The following POLA1 variants were observed in gnomAD, a reference collection of about 807,000 sequenced individuals.
POLA1 encodes the protein DNA polymerase alpha catalytic subunit.
A neutral mutation model predicts 124.0 loss-of-function variants in POLA1; 15 were observed. The observed-to-expected ratio is 0.12, with a 90% confidence interval of 0.08 to 0.19. The LOEUF is 0.19. Ranked by LOEUF, POLA1 falls within the 10% of genes least tolerant of loss-of-function variation. The pLI is 1.00. For missense variants in POLA1, 886 were observed against 1,103.4 expected (o/e 0.80, Z 2.79); for synonymous variants, 408 against 389.4 (o/e 1.05, Z -0.56).
chrX:24,896,070 G>T (rs1157606121), intron 35 of POLA1, among the ~76,000 whole-genome samples: 2 of 111,861 alleles, frequency 1.8e-5, no homozygotes, highest in Non-Finnish European at 3.8e-5. Flanking sequence ...AATAAGGTAG[G>T]AAAGATAATA....
At position 24,888,065 on chromosome X, in the gene POLA1, A is replaced by G. The variant is rs780851120; in HGVS notation, c.4107A>G (p.Gln1369=). 5.0e-6 allele frequency: 6 copies of G among 1,206,396 alleles called. No homozygotes were observed. Among genetic ancestry groups the G allele is most frequent in the Middle Eastern group, 2.3e-4 (1 of 4,362 alleles). The change falls in exon 35 of 37, where the codon CAA becomes CAG. Residue 1369 remains glutamine, a synonymous_variant. Coordinates refer to ENST00000379068, the MANE Select transcript of POLA1 (RefSeq NM_001330360.2). ...CRNRTRHLPL[Q]FSRTGPLCPA... is the part of the protein sequence containing the mutation. ...ATCGAACTCGTCACCTTCCCCTTCAATTCTCCCGAACTGGGCCTCTTTGCC... is the reference window on the plus strand; with the variant it reads ...ATCGAACTCGTCACCTTCCCCTTCAGTTCTCCCGAACTGGGCCTCTTTGCC...
chrX:24,733,827 C>A lies in POLA1; in HGVS notation c.1833+11C>A. The A allele has an allele frequency of 1.0e-6, 1 of 985,993 alleles. No homozygotes were observed. The highest frequency in any genetic ancestry group is 1.4e-6 in the Non-Finnish European group (1 of 702,672). 81.3% of individuals were successfully genotyped at this position (985,993 alleles called of 1,213,427 possible). A position where few individuals can be genotyped will look rare whatever the true frequency, so the allele number is the denominator to read the frequency against. On this transcript the variant is annotated intron_variant, in intron 17 of 36. Transcript: ENST00000379068. Reference sequence around the variant, plus strand: ...GTCATTGAGAAAAAGGTAAAGTGCTCATTATATGAAGCACCTGTTTGTTTG... The same window carrying A: ...GTCATTGAGAAAAAGGTAAAGTGCTAATTATATGAAGCACCTGTTTGTTTG...
intron 36 of POLA1, among the ~76,000 whole-genome samples, chrX:24,948,887 A>G (rs1249495527): frequency 1.8e-5 from 2 of 112,098 alleles, no homozygotes; most frequent in African/African-American, 6.5e-5. Flanking sequence ...TGATTTTCCA[A>G]TGGAGTAGCA....
chrX:24,749,855 G>A (rs1181659261), intron 26 of POLA1, among the ~76,000 whole-genome samples: 1 of 112,243 alleles, frequency 8.9e-6, no homozygotes, highest in African/African-American at 3.2e-5. Flanking sequence ...AACTGTTTTA[G>A]TACTATGTGC....
chrX:24,948,807 T>G (rs911616312), intron 36 of POLA1, among the ~76,000 whole-genome samples: 1 of 112,030 alleles, frequency 8.9e-6, no homozygotes, highest in Non-Finnish European at 1.9e-5. Context: ...AAAAAACATT[T>G]CTAACTCATT....
intron 36 of POLA1, among the ~76,000 whole-genome samples, chrX:24,950,117 T>A (rs1310181408): frequency 1.8e-5 from 2 of 112,379 alleles, no homozygotes; most frequent in Non-Finnish European, 3.8e-5. Flanking sequence ...AATTACATAT[T>A]CATTTTACCA....
intron 34 of POLA1, among the ~76,000 whole-genome samples, chrX:24,857,891 T>A (rs113014168): frequency 9.3e-4 from 104 of 111,533 alleles, no homozygotes; most frequent in Non-Finnish European, 1.4e-3. Context: ...CTAAAAGGAT[T>A]TTTAAGGGTT....
At chrX:24,934,220 C>CG (rs1175288167) in intron 36 of POLA1, among the ~76,000 whole-genome samples, 1 of 112,363 alleles carries the variant, frequency 8.9e-6, no homozygotes, top group Non-Finnish European at 1.9e-5. Flanking sequence ...AAAAAAGTCT[C>CG]TTAGTTTTCT....
chrX:24,865,317 A>C (rs765806880), intron 34 of POLA1, among the ~76,000 whole-genome samples: 1 of 112,352 alleles, frequency 8.9e-6, no homozygotes, highest in South Asian at 3.7e-4. Flanking sequence ...CCAAAGCCTT[A>C]GTAAGGGCCC....
chrX:24,751,216 CAG>C (rs1350649976), intron 26 of POLA1, among the ~76,000 whole-genome samples: 1 of 111,328 alleles, frequency 9.0e-6, no homozygotes, highest in Admixed American at 9.6e-5. Flanking sequence ...CACATTGGCT[CAG>C]AAATCCACAA....
chrX:24,943,812 C>G (rs757373908), intron 36 of POLA1, among the ~76,000 whole-genome samples: 1 of 112,478 alleles, frequency 8.9e-6, no homozygotes, highest in South Asian at 3.7e-4. Context: ...GTCTTTCAGT[C>G]ATTGGTGTGA....
chrX:24,786,681 ATTTTTTTTT>A (rs1205219554), intron 26 of POLA1, among the ~76,000 whole-genome samples: 5 of 63,153 alleles, frequency 7.9e-5, no homozygotes, highest in African/African-American at 1.4e-4. Context: ...GGCTTGGCTA[ATTTTTTTTT>A]TTTTTTTTTT....
intron 31 of POLA1, among the ~76,000 whole-genome samples, chrX:24,823,708 A>G (rs2046127517): frequency 8.9e-6 from 1 of 112,465 alleles, no homozygotes; most frequent in African/African-American, 3.2e-5. Flanking sequence ...CTGGCCCATC[A>G]TGACACATTT....
intron 26 of POLA1, among the ~76,000 whole-genome samples, chrX:24,769,245 G>A (rs934124167): frequency 1.8e-5 from 2 of 111,427 alleles, no homozygotes; most frequent in African/African-American, 3.3e-5. Context: ...GTGCTGGCAC[G>A]GGGTTTCATT....
At chrX:24,698,776 C>T (rs1174164308) in intron 1 of POLA1, among the ~76,000 whole-genome samples, 3 of 111,381 alleles carry the variant, frequency 2.7e-5, no homozygotes, top group African/African-American at 3.3e-5. Flanking sequence ...GCCTCAGCCT[C>T]CCAAGTAGCT....
At chrX:24,964,762 G>C (rs2048204291) in intron 36 of POLA1, among the ~76,000 whole-genome samples, 1 of 112,115 alleles carries the variant, frequency 8.9e-6, no homozygotes, top group African/African-American at 3.2e-5. Flanking sequence ...AACATTTGTA[G>C]CTGTCCTCAG....
At chrX:24,715,461 A>G (rs943934389) in intron 6 of POLA1, among the ~76,000 whole-genome samples, 2 of 110,587 alleles carry the variant, frequency 1.8e-5, no homozygotes, top group Admixed American at 1.9e-4. Context: ...CGCCCGGCTA[A>G]TATTTTGTAT....
At chrX:24,885,290 C>A (rs779177228) in intron 34 of POLA1, among the ~76,000 whole-genome samples, 1 of 111,133 alleles carries the variant, frequency 9.0e-6, no homozygotes, top group South Asian at 3.8e-4. Context: ...GCCTCAGATA[C>A]CAAATTTAAA....
chrX:24,979,880 T>C (rs1004321635), intron 36 of POLA1, among the ~76,000 whole-genome samples: 7 of 111,860 alleles, frequency 6.3e-5, no homozygotes, highest in Non-Finnish European at 5.6e-5. Context: ...AAGGCCACTT[T>C]AGCAAGTGTA....
Sources: gnomAD v4.1 joint callset for allele counts (sites outside exome capture counted in the v4.1 genomes callset) on GRCh38, gnomAD v4.1.1 for gene constraint, MANE v1.5 for transcripts, NCBI Gene and HGNC (gene_info 2026-07-23, HGNC 2026-07-21) for gene names.